The following DYNC1I1 variants were observed in gnomAD, a reference collection of about 807,000 sequenced individuals.
The protein encoded by DYNC1I1 is cytoplasmic dynein 1 intermediate chain 1.
A neutral mutation model predicts 86.6 loss-of-function variants in DYNC1I1; 43 were observed. The observed-to-expected ratio is 0.50, with a 90% CI of 0.39 to 0.64. The LOEUF (loss-of-function observed/expected upper bound fraction) is 0.64. Among genes scored for constraint, DYNC1I1 ranks in the 30% least tolerant of loss-of-function variants. The probability of loss-of-function intolerance (pLI) is 0.00; values close to 1 mark genes in which losing one functional copy is unlikely to be tolerated. For missense variants in DYNC1I1, 604 were observed against 788.8 expected, an observed-to-expected ratio of 0.77 and a Z score of 2.81; for synonymous variants, 262 against 283.7, an observed-to-expected ratio of 0.92 and a Z score of 0.77.
intron 1 of DYNC1I1, among the ~76,000 whole-genome samples, chr7:95,774,111 ACT>A (rs1793779846): frequency 1.1e-4 from 16 of 152,312 alleles, no homozygotes; most frequent in Admixed American, 9.2e-4. Context: ...ATAAGAACTA[ACT>A]CTCGAATATT....
intron 3 of DYNC1I1, among the ~76,000 whole-genome samples, chr7:95,811,616 C>G (rs1284137648): frequency 6.6e-6 from 1 of 151,984 alleles, no homozygotes; most frequent in African/African-American, 2.4e-5. Flanking sequence ...TCATTTTATA[C>G]TCAATCTCAA....
Position 96,065,378 on chromosome 7 carries a change from C to CTT in DYNC1I1, c.1510-10663_1510-10662dup, listed in dbSNP as rs34423655. Among the ~76,000 whole-genome samples, 538 of 127,548 alleles carry CTT rather than the reference C, an allele frequency of 4.2e-3. 6 individuals are homozygous for CTT. The highest frequency in any genetic ancestry group is 0.014 in the East Asian group (58 of 4,266). 83.7% of individuals were successfully genotyped at this position (127,548 alleles called of 152,430 possible). ...CACTCTTTTCTTTTTTTCTTTCTTT[C>CTT]TTTTTTTTTTTTTTTTTGAGACAGG... On this transcript the variant is annotated intron_variant, in intron 14 of 16. Transcript: ENST00000447467.
chr7:95,872,988 A>G (rs1480121296), intron 6 of DYNC1I1, among the ~76,000 whole-genome samples: 1 of 152,176 alleles, frequency 6.6e-6, no homozygotes, highest in Non-Finnish European at 1.5e-5. Context: ...GACAAAGATA[A>G]TGCCAGACAT....
chr7:95,984,699 T>C, intron 7 of DYNC1I1, 116 bp from the exon 8 acceptor site: 2 of 970,934 alleles, frequency 2.1e-6, no homozygotes. Context: ...TTTCACTGTG[T>C]CTTGCCACTC....
chr7:95,932,604 A>G (rs1028324485), intron 6 of DYNC1I1, among the ~76,000 whole-genome samples: 1 of 152,164 alleles, frequency 6.6e-6, no homozygotes, highest in Non-Finnish European at 1.5e-5. Context: ...AGAAACATGA[A>G]ACCATTGAAT....
intron 6 of DYNC1I1, among the ~76,000 whole-genome samples, chr7:95,899,843 C>T (rs1790988927): frequency 6.6e-6 from 1 of 152,090 alleles, no homozygotes; most frequent in Admixed American, 6.6e-5. Flanking sequence ...GAATATTCTC[C>T]AGGAACTTCT....
At chr7:96,021,930 A>G (rs1794561473) in intron 10 of DYNC1I1, among the ~76,000 whole-genome samples, 1 of 152,168 alleles carries the variant, frequency 6.6e-6, no homozygotes. Flanking sequence ...AGTTGTTTCC[A>G]CTTTTTAACA....
chr7:95,943,914 A>G (rs1037407437), intron 6 of DYNC1I1, among the ~76,000 whole-genome samples: 2 of 152,058 alleles, frequency 1.3e-5, no homozygotes, highest in Non-Finnish European at 2.9e-5. Flanking sequence ...CTAAAACCAT[A>G]AAAACCCTAG....
chr7:95,930,137 C>T (rs1465408681), intron 6 of DYNC1I1, among the ~76,000 whole-genome samples: 1 of 152,198 alleles, frequency 6.6e-6, no homozygotes, highest in Non-Finnish European at 1.5e-5. Context: ...TTTCCCAGAC[C>T]ATGTGATATT....
intron 9 of DYNC1I1, among the ~76,000 whole-genome samples, chr7:95,993,832 T>C (rs1793791491): frequency 2.0e-5 from 3 of 152,110 alleles, no homozygotes. Flanking sequence ...AATATATGTA[T>C]AGAATAATGA....
At chr7:95,917,131 T>G (rs1791491389) in intron 6 of DYNC1I1, among the ~76,000 whole-genome samples, 1 of 152,134 alleles carries the variant, frequency 6.6e-6, no homozygotes, top group African/African-American at 2.4e-5. Context: ...TGTTTACACT[T>G]TCACTTTCCA....
chr7:95,971,270 CA>C (rs1470196055), intron 6 of DYNC1I1, among the ~76,000 whole-genome samples: 2 of 152,108 alleles, frequency 1.3e-5, no homozygotes, highest in African/African-American at 4.8e-5. Flanking sequence ...TAAAATGAGA[CA>C]AAAGGCATTA....
intron 6 of DYNC1I1, among the ~76,000 whole-genome samples, chr7:95,935,843 A>AG (rs1792026267): frequency 6.6e-6 from 1 of 151,876 alleles, no homozygotes; most frequent in East Asian, 1.9e-4. Context: ...TGGCCAACCA[A>AG]TACATGCAAA....
At chr7:95,952,729 A>C (rs1441303572) in intron 6 of DYNC1I1, among the ~76,000 whole-genome samples, 3 of 152,184 alleles carry the variant, frequency 2.0e-5, no homozygotes, top group Non-Finnish European at 4.4e-5. Context: ...TAGGTGCTAC[A>C]TAATATGCTT....
intron 5 of DYNC1I1, among the ~76,000 whole-genome samples, chr7:95,833,103 G>T (rs1484837535): frequency 1.3e-5 from 2 of 148,958 alleles, no homozygotes; most frequent in Non-Finnish European, 3.0e-5. Context: ...ATGGTTTTAG[G>T]TCTAATGTTT....
intron 5 of DYNC1I1, among the ~76,000 whole-genome samples, chr7:95,835,442 T>C (rs1007942481): frequency 6.6e-5 from 10 of 151,078 alleles, no homozygotes; most frequent in Non-Finnish European, 1.2e-4. Context: ...AAGAAATGTA[T>C]ATGCTGTTGA....
chr7:95,944,303 T>C (rs1792330616), intron 6 of DYNC1I1, among the ~76,000 whole-genome samples: 2 of 151,448 alleles, frequency 1.3e-5, no homozygotes, highest in African/African-American at 4.9e-5. Context: ...ATCAGAGAAA[T>C]GCAAATCAAA....
chr7:96,023,558 CTTGAA>C (rs1794605746), intron 10 of DYNC1I1, among the ~76,000 whole-genome samples: 1 of 152,194 alleles, frequency 6.6e-6, no homozygotes, highest in South Asian at 2.1e-4. Flanking sequence ...TCTGGGCTAA[CTTGAA>C]TTGAATGTAG....
In DYNC1I1 at chr7:95,920,594, C is replaced by T. The variant is rs559646223; in HGVS notation, c.490+50596C>T. Reference sequence around the variant, plus strand: ...ATCCAAAAGGAGACTGTATTGCCTTCGCAAGTTTTCTTTACACTAAAACTA... The same window carrying T: ...ATCCAAAAGGAGACTGTATTGCCTTTGCAAGTTTTCTTTACACTAAAACTA... On this transcript the variant is annotated intron_variant, in intron 6 of 16. Transcript: ENST00000447467. Among the ~76,000 whole-genome samples the T allele has an allele frequency of 1.6e-3, 245 of 152,196 alleles. 1 individual carries two copies. Among genetic ancestry groups the T allele is most frequent in the African/African-American group, 5.3e-3 (221 of 41,528 alleles).
Sources: allele counts gnomAD v4.1 joint callset (sites outside exome capture counted in the v4.1 genomes callset), GRCh38; gene constraint gnomAD v4.1.1; transcripts MANE v1.5; gene names NCBI Gene and HGNC (gene_info 2026-07-23, HGNC 2026-07-21).